L3MBTL4: variants seen among roughly 807,000 people sequenced by gnomAD.
The protein encoded by L3MBTL4 is lethal(3)malignant brain tumor-like protein 4.
Under a neutral mutation model 84.5 loss-of-function variants are expected in L3MBTL4, and 70 were observed. The observed-to-expected ratio is 0.83, with a 90% CI of 0.68 to 1.01. L3MBTL4 has a LOEUF of 1.01. L3MBTL4 is among the 50% of genes least tolerant of loss of function. The pLI, the probability that L3MBTL4 is intolerant of heterozygous loss-of-function variation, is 0.00. For missense variants in L3MBTL4, 715 were observed against 754.8 expected (o/e 0.95, Z 0.62); for synonymous variants, 274 against 259.8 (o/e 1.05, Z -0.52).
chr18:6,413,032 C>T (rs1393637324), intron 1 of L3MBTL4, among the ~76,000 whole-genome samples: 1 of 152,076 alleles, frequency 6.6e-6, no homozygotes, highest in Non-Finnish European at 1.5e-5. Context: ...CTGCAGTGAG[C>T]CATGATGGTA....
chr18:6,004,997 A>ATTTTTTTTTTTTTTTTTT lies in L3MBTL4; in HGVS notation c.1445-35453_1445-35436dup, dbSNP rs60294342. Among the ~76,000 whole-genome samples the ATTTTTTTTTTTTTTTTTT allele has an allele frequency of 2.1e-3, 111 of 52,160 alleles. 5 individuals carry two copies. The highest frequency in any genetic ancestry group is 2.9e-3 in the Non-Finnish European group (84 of 28,960). 34.2% of individuals were successfully genotyped at this position (52,160 alleles called of 152,430 possible). ...ACACATAAAAATGGTTAAGATGATAATTTTTTTTTTTTTTTTTTTTTTTTT... is the reference window on the plus strand; with the variant it reads ...ACACATAAAAATGGTTAAGATGATAATTTTTTTTTTTTTTTTTTTTTTTTTTTTTTTTTTTTTTTTTTT... On this transcript the variant is annotated intron_variant, in intron 16 of 18. Coordinates refer to ENST00000317931, the MANE Select transcript of L3MBTL4 (RefSeq NM_001330559.2).
chr18:5,986,970 G>A (rs181175562), intron 16 of L3MBTL4, among the ~76,000 whole-genome samples: 101 of 152,302 alleles, frequency 6.6e-4, no homozygotes, highest in African/African-American at 2.4e-3. Context: ...TCTCCTCCAG[G>A]CCAGGGAGCA....
intron 16 of L3MBTL4, among the ~76,000 whole-genome samples, chr18:5,979,061 A>C (rs1229283287): frequency 1.3e-5 from 2 of 152,160 alleles, no homozygotes; most frequent in Non-Finnish European, 2.9e-5. Flanking sequence ...GTTTGCTGAC[A>C]ACCAACGGGG....
chr18:6,171,784 A>C, intron 13 of L3MBTL4, 44 bp downstream of exon 13: 1 of 1,125,338 alleles, frequency 8.9e-7, no homozygotes, highest in Non-Finnish European at 1.3e-6. Context: ...GCTGGAAATC[A>C]GGCCAAGTAT....
intron 4 of L3MBTL4, among the ~76,000 whole-genome samples, chr18:6,287,822 A>G (rs1483932221): frequency 6.6e-6 from 1 of 152,178 alleles, no homozygotes; most frequent in Admixed American, 6.6e-5. Flanking sequence ...CAGCCTTTAT[A>G]AGATTACCTA....
chr18:6,248,046 T>A (rs886149747), intron 5 of L3MBTL4, among the ~76,000 whole-genome samples: 1 of 152,170 alleles, frequency 6.6e-6, no homozygotes, highest in Non-Finnish European at 1.5e-5. Flanking sequence ...CATGTACACA[T>A]GTATACCCAT....
At chr18:6,225,056 T>C (rs1396009517) in intron 10 of L3MBTL4, among the ~76,000 whole-genome samples, 1 of 152,024 alleles carries the variant, frequency 6.6e-6, no homozygotes, top group East Asian at 1.9e-4. Context: ...TATTGGAAAG[T>C]AGGGGGGAGC....
chr18:6,256,104 A>C (rs1599361709), intron 5 of L3MBTL4, among the ~76,000 whole-genome samples: 1 of 152,230 alleles, frequency 6.6e-6, no homozygotes, highest in Admixed American at 6.5e-5. Context: ...AAGTTTCACA[A>C]GGAGTTTTAA....
chr18:5,981,684 T>G (rs2053225654), intron 16 of L3MBTL4, among the ~76,000 whole-genome samples: 1 of 151,318 alleles, frequency 6.6e-6, no homozygotes, highest in South Asian at 2.1e-4. Flanking sequence ...CCTTGGTGGC[T>G]CCTGCTTGTA....
intron 3 of L3MBTL4, 60 bp downstream of exon 3, chr18:6,311,494 A>C (rs112692016): frequency 1.2e-5 from 16 of 1,381,294 alleles, no homozygotes; most frequent in Non-Finnish European, 1.4e-5. Context: ...CTACTATTCC[A>C]TGGTGCATTT....
intron 12 of L3MBTL4, among the ~76,000 whole-genome samples, chr18:6,177,125 G>A (rs1344087299): frequency 1.3e-5 from 2 of 152,132 alleles, no homozygotes; most frequent in South Asian, 2.1e-4. Context: ...GTGACTCCTA[G>A]TAATTCCAAC....
intron 1 of L3MBTL4, among the ~76,000 whole-genome samples, chr18:6,377,299 C>T (rs1484277783): frequency 2.0e-5 from 3 of 152,060 alleles, no homozygotes; most frequent in Non-Finnish European, 4.4e-5. Flanking sequence ...TTTCTTCATA[C>T]GAGTTTCCTG....
chr18:6,145,043 G>C (rs2042589272), intron 13 of L3MBTL4, among the ~76,000 whole-genome samples: 1 of 152,022 alleles, frequency 6.6e-6, no homozygotes, highest in Non-Finnish European at 1.5e-5. Flanking sequence ...AAAATTTCTA[G>C]GATAAAACAG....
At chr18:6,340,160 A>G (rs1349228734) in intron 1 of L3MBTL4, among the ~76,000 whole-genome samples, 6 of 152,178 alleles carry the variant, frequency 3.9e-5, no homozygotes, top group African/African-American at 1.4e-4. Flanking sequence ...AATCCTTTTA[A>G]AAAGAGGGAG....
chr18:6,260,012 GCCAGCTATC>G (rs2048326509), intron 5 of L3MBTL4: 3 of 152,120 alleles, frequency 2.0e-5, no homozygotes, highest in African/African-American at 7.2e-5. Context: ...TATATGGCTA[GCCAGCTATC>G]CCAGCACCAT....
intron 1 of L3MBTL4, among the ~76,000 whole-genome samples, chr18:6,349,976 T>C (rs1357933189): frequency 6.6e-6 from 1 of 152,196 alleles, no homozygotes; most frequent in Non-Finnish European, 1.5e-5. Flanking sequence ...TATACATACA[T>C]TTGTGTATGT....
rs763761206 is a variant in L3MBTL4 at position 6,213,263 on chromosome 18, T to C, written c.871-4A>G. 8 of 1,529,000 alleles carry C rather than the reference T, an allele frequency of 5.2e-6. No individual in the cohort carries two copies. The highest frequency in any genetic ancestry group is 7.2e-6 in the Non-Finnish European group (8 of 1,118,372). The allele number at this position is 1,529,000 out of a possible 1,614,324, so 94.7% of individuals were successfully genotyped here. ...GCAGAAAACCATGAGGCAACCTCTGTAAATGTTATTATAAGTACAACAAAT... is the reference window on the plus strand; with the variant it reads ...GCAGAAAACCATGAGGCAACCTCTGCAAATGTTATTATAAGTACAACAAAT... On this transcript the variant is annotated splice_polypyrimidine_tract_variant and splice_region_variant and intron_variant, in intron 11 of 18. Transcript: ENST00000317931.
At chr18:6,292,544 T>C (rs1345037475) in intron 4 of L3MBTL4, among the ~76,000 whole-genome samples, 1 of 152,192 alleles carries the variant, frequency 6.6e-6, no homozygotes, top group Non-Finnish European at 1.5e-5. Flanking sequence ...ATCCCTGATA[T>C]AGACCCCCAT....
intron 4 of L3MBTL4, among the ~76,000 whole-genome samples, chr18:6,278,371 T>C (rs967319705): frequency 1.3e-5 from 2 of 152,204 alleles, no homozygotes; most frequent in Non-Finnish European, 2.9e-5. Flanking sequence ...GCTGTATATA[T>C]TATGTTGGCA....
Sources: gnomAD v4.1 joint callset for allele counts (sites outside exome capture counted in the v4.1 genomes callset) on GRCh38, gnomAD v4.1.1 for gene constraint, MANE v1.5 for transcripts, NCBI Gene and HGNC (gene_info 2026-07-23, HGNC 2026-07-21) for gene names.